FGF20: variants seen among roughly 807,000 people sequenced by gnomAD.
FGF20 encodes fibroblast growth factor 20.
Under a neutral mutation model 16.7 loss-of-function variants are expected in FGF20, and 8 were observed. That is an observed-to-expected ratio of 0.48 (90% CI 0.28 to 0.87). FGF20 has a LOEUF of 0.87. Among genes scored for constraint, FGF20 ranks in the 40% least tolerant of loss-of-function variants. The pLI is 0.10. For synonymous variants in FGF20, 161 were observed against 118.6 expected (o/e 1.36, Z -2.32); for missense variants, 397 against 281.4 (o/e 1.41, Z -2.94).
rs1208700823 is a variant in FGF20, at chr8:17,001,755, C to T, written c.278G>A (p.Ser93Asn). 6.3e-7 allele frequency: 1 copy of T among 1,580,004 alleles called. No homozygotes were observed. Among genetic ancestry groups the T allele is most frequent in the South Asian group, 1.1e-5 (1 of 88,186 alleles). Reference sequence around the variant, plus strand: ...GGGATGCTAGTACGTACCGAAGAGGCTGTGGTCCTGCCGGGTGCCCTGCAC... The same window carrying T: ...GGGATGCTAGTACGTACCGAAGAGGTTGTGGTCCTGCCGGGTGCCCTGCAC... ...GSVQGTRQDH[S>N]LFGILEFISV... Residue 93 changes from serine to asparagine, a missense_variant, in exon 1 of 3, where the codon AGC (serine) becomes AAC (asparagine). Physicochemically the swap from Ser to Asn is conservative, Grantham distance 46. Transcript: ENST00000180166.
Position 16,992,885 on chromosome 8 carries a change from AT to A in FGF20, c.*186del, listed in dbSNP as rs1809946996. 2 of 651,292 alleles carry A rather than the reference AT, an allele frequency of 3.1e-6. No individual in the cohort carries two copies. Among genetic ancestry groups the A allele is most frequent in the Non-Finnish European group, 5.1e-6 (2 of 391,618 alleles). 40.3% of individuals were successfully genotyped at this position (651,292 alleles called of 1,614,324 possible). On this transcript the variant is annotated 3_prime_UTR_variant, in exon 3 of 3. Coordinates refer to ENST00000180166, the MANE Select transcript of FGF20 (RefSeq NM_019851.3). Reference sequence around the variant, plus strand: ...GAACTTAATCCACATATAAAGAGTGATCATGATCTATTTCTAGTCAAAATTT... The same window carrying A: ...GAACTTAATCCACATATAAAGAGTGACATGATCTATTTCTAGTCAAAATTT...
intron 1 of FGF20, among the ~76,000 whole-genome samples, chr8:17,001,492 C>G (rs930118108): frequency 2.6e-5 from 4 of 152,106 alleles, no homozygotes; most frequent in African/African-American, 9.7e-5. Context: ...CACCCTTTCT[C>G]CTCCCGCCCC....
intron 1 of FGF20, among the ~76,000 whole-genome samples, chr8:16,996,477 C>G (rs1318895571): frequency 2.0e-5 from 3 of 152,152 alleles, no homozygotes; most frequent in East Asian, 3.9e-4. Context: ...TGGGTGAGGA[C>G]TAACACATTT....
chr8:16,996,251 G>C (rs1180167141), intron 1 of FGF20, among the ~76,000 whole-genome samples: 1 of 151,918 alleles, frequency 6.6e-6, no homozygotes, highest in African/African-American at 2.4e-5. Flanking sequence ...AGTCTTTCCT[G>C]GTCATGTGAC....
Position 16,995,708 on chromosome 8 carries a change from C to T in FGF20, c.337G>A (p.Val113Met), listed in dbSNP as rs747822150. 1.2e-6 allele frequency: 2 copies of T among 1,609,684 alleles called. No homozygotes were observed. Among genetic ancestry groups the T allele is most frequent in the Non-Finnish European group, 1.7e-6 (2 of 1,176,546 alleles). The part of the protein sequence containing the change: ...VAVGLVSIRG[V>M]DSGLYLGMND... Reference sequence around the variant, plus strand: ...ATTCCAAGATAGAGACCACTGTCCACACCTCTAATACTGACCAGTCCCACT... The same window carrying T: ...ATTCCAAGATAGAGACCACTGTCCATACCTCTAATACTGACCAGTCCCACT... The change falls in exon 2 of 3, where the codon GTG becomes ATG. Residue 113 changes from valine to methionine, a missense_variant. Transcript: ENST00000180166.
chr8:16,995,627 A>C (rs1444970067), intron 2 of FGF20, 28 bp downstream of exon 2: 1 of 971,146 alleles, frequency 1.0e-6, no homozygotes, highest in Non-Finnish European at 1.5e-6. Flanking sequence ...GAATTACAAT[A>C]ATAATAAAAA....
chr8:16,994,387 T>C (rs1307516050), intron 2 of FGF20, among the ~76,000 whole-genome samples: 2 of 152,250 alleles, frequency 1.3e-5, no homozygotes, highest in African/African-American at 2.4e-5. Context: ...AGATTTATTG[T>C]CTTTTCAAAA....
intron 2 of FGF20, among the ~76,000 whole-genome samples, chr8:16,994,338 A>G (rs553602558): frequency 2.6e-5 from 4 of 152,326 alleles, no homozygotes; most frequent in African/African-American, 9.6e-5. Flanking sequence ...GTTTGATGAT[A>G]CATTCTCCAC....
Position 16,995,687 on chromosome 8 carries a change from C to A in FGF20, c.358G>T (p.Gly120Ter). The change falls in exon 2 of 3, where the codon GGA (glycine) becomes TGA (stop). Residue 120 changes from glycine to a stop codon, truncating the protein, a stop_gained. Transcript: ENST00000180166. LOFTEE classifies it high-confidence loss of function. ...IRGVDSGLYL[G>*]MNDKGELYGS... The stretch of plus-strand genomic sequence containing the variant: ...TAGAGTTCTCCTTTGTCATTCATTC[C>A]AAGATAGAGACCACTGTCCACACCT... 2 of 1,602,712 alleles carry A rather than the reference C, an allele frequency of 1.2e-6. No individual in the cohort carries two copies. The highest frequency in any genetic ancestry group is 1.7e-6 in the Non-Finnish European group (2 of 1,171,336).
At chr8:16,996,313 T>A (rs1336547762) in intron 1 of FGF20, among the ~76,000 whole-genome samples, 1 of 152,184 alleles carries the variant, frequency 6.6e-6, no homozygotes, top group Non-Finnish European at 1.5e-5. Flanking sequence ...GACAATGGTA[T>A]AATGTGAAAG....
Position 17,001,941 on chromosome 8 carries a change from C to A in FGF20, c.92G>T (p.Gly31Val), listed in dbSNP as rs781139228. Residue 31 changes from glycine (G) to valine (V), a missense_variant, in exon 1 of 3, where the codon GGG becomes GTG. Coordinates refer to ENST00000180166, the MANE Select transcript of FGF20 (RefSeq NM_019851.3). ...VGSHFLLPPA[G>V]ERPPLLGERR... is the part of the protein sequence containing the mutation. ...CTCGCCCAGCAGCGGCGGCCGCTCC[C>A]CGGCAGGAGGCAACAGGAAATGCGA... 6.7e-7 allele frequency: 1 copy of A among 1,496,936 alleles called. No homozygotes were observed. The highest frequency in any genetic ancestry group is 1.3e-5 in the South Asian group (1 of 78,638). 92.7% of individuals were successfully genotyped at this position (1,496,936 alleles called of 1,614,324 possible).
At chr8:16,997,306 A>G (rs549088629) in intron 1 of FGF20, among the ~76,000 whole-genome samples, 5 of 152,278 alleles carry the variant, frequency 3.3e-5, no homozygotes, top group Middle Eastern at 3.4e-3. Context: ...GCCTTCCTCA[A>G]TAGCATTCTA....
At chr8:16,996,431 A>G (rs17515128) in intron 1 of FGF20, among the ~76,000 whole-genome samples, 1 of 151,940 alleles carries the variant, frequency 6.6e-6, no homozygotes, top group African/African-American at 2.4e-5. Context: ...TAACCTCCTC[A>G]TATGCAAAAT....
chr8:17,001,723 T>G, intron 1 of FGF20, 24 bp downstream of exon 1: 2 of 1,550,994 alleles, frequency 1.3e-6, no homozygotes, highest in Admixed American at 1.9e-5. Context: ...CAGATGGGGG[T>G]GGGGTCGGGA....
At chr8:17,000,362 A>G (rs1810153267) in intron 1 of FGF20, among the ~76,000 whole-genome samples, 1 of 152,130 alleles carries the variant, frequency 6.6e-6, no homozygotes. Flanking sequence ...TTCTACATCT[A>G]GAGTTACAAA....
rs866476790 is a variant in FGF20 at position 17,002,020 on chromosome 8, C to A, written c.13G>T (p.Ala5Ser). 6.5e-7 allele frequency: 1 copy of A among 1,538,166 alleles called. No individual in the cohort carries two copies. MAPL[A>S]EVGGFLGGLE... ...CCGCCCAGAAAGCCCCCGACTTCGGCTAAGGGAGCCATGGAGGGGGAGATC... is the reference window on the plus strand; with the variant it reads ...CCGCCCAGAAAGCCCCCGACTTCGGATAAGGGAGCCATGGAGGGGGAGATC... The change falls in exon 1 of 3, where the codon GCC becomes TCC. Residue 5 changes from alanine to serine, a missense_variant. Physicochemically the swap from Ala to Ser is moderately conservative, Grantham distance 99 (BLOSUM62 1). Transcript: ENST00000180166.
chr8:16,994,327 T>G (rs1052597822), intron 2 of FGF20, among the ~76,000 whole-genome samples: 1 of 152,176 alleles, frequency 6.6e-6, no homozygotes, highest in African/African-American at 2.4e-5. Flanking sequence ...ATTTACTAAC[T>G]GTTTGATGAT....
Position 16,993,323 on chromosome 8 carries a change from A to G in FGF20, c.391-6T>C. The G allele has an allele frequency of 6.3e-7, 1 of 1,595,796 alleles. No homozygotes were observed. Among genetic ancestry groups the G allele is most frequent in the Non-Finnish European group, 8.5e-7 (1 of 1,171,966 alleles). Reference sequence around the variant, plus strand: ...CATTCGGAAGTAAGTTTCTCCTGAAAGAGAGAAGATAACTATTATTTTTTA... The same window carrying G: ...CATTCGGAAGTAAGTTTCTCCTGAAGGAGAGAAGATAACTATTATTTTTTA... On this transcript the variant is annotated splice_polypyrimidine_tract_variant and splice_region_variant and intron_variant, in intron 2 of 2. Coordinates refer to ENST00000180166, the MANE Select transcript of FGF20 (RefSeq NM_019851.3).
At position 16,992,425 on chromosome 8, in the gene FGF20, T is replaced by A. The variant is rs1472422846; in HGVS notation, c.*647A>T. The A allele has an allele frequency of 6.6e-6, 1 of 151,930 alleles. No homozygotes were observed. Among genetic ancestry groups the A allele is most frequent in the Non-Finnish European group, 1.5e-5 (1 of 67,972 alleles). 9.4% of individuals were successfully genotyped at this position (151,930 alleles called of 1,614,324 possible). A position where few individuals can be genotyped will look rare whatever the true frequency, so the allele number is the denominator to read the frequency against. The stretch of plus-strand genomic sequence containing the variant: ...TAATGGCACAATAACGGAAGTTTTG[T>A]TGTTTTTTACTCTTTGTATTATCTT... On this transcript the variant is annotated 3_prime_UTR_variant, in exon 3 of 3. Transcript: ENST00000180166.
Sources: gnomAD v4.1 joint callset for allele counts (sites outside exome capture counted in the v4.1 genomes callset) on GRCh38, gnomAD v4.1.1 for gene constraint, MANE v1.5 for transcripts, NCBI Gene and HGNC (gene_info 2026-07-23, HGNC 2026-07-21) for gene names.